The following PPP2R5E variants were observed in gnomAD, a reference collection of about 807,000 sequenced individuals.
PPP2R5E encodes protein phosphatase 2 regulatory subunit B'epsilon.
In PPP2R5E, 4 loss-of-function variants were observed where a neutral mutation model predicts 65.3. That is an observed-to-expected ratio of 0.06 (90% CI 0.03 to 0.14). PPP2R5E has a LOEUF of 0.14. PPP2R5E is among the 10% of genes least tolerant of loss of function. The probability of loss-of-function intolerance (pLI) is 1.00; values close to 1 mark genes in which losing one functional copy is unlikely to be tolerated. For synonymous variants in PPP2R5E, 183 were observed against 187.4 expected (o/e 0.98, Z 0.19); for missense variants, 274 against 556.1 (o/e 0.49, Z 5.10).
chr14:63,502,601 A>T (rs1469905950), intron 2 of PPP2R5E, among the ~76,000 whole-genome samples: 1 of 152,082 alleles, frequency 6.6e-6, no homozygotes, highest in Non-Finnish European at 1.5e-5. Context: ...TGGGAAGCAG[A>T]GGTTGCAGTG....
At position 63,390,502 on chromosome 14, in the gene PPP2R5E, T is replaced by C. The variant is rs1884958239; in HGVS notation, c.955-771A>G. On this transcript the variant is annotated intron_variant, in intron 10 of 13. Transcript: ENST00000337537. ...AAAAACCAGTTTACGTATTTAGCTA[T>C]GAAAAAATAATTACTTTGAAAAAAT... Among the ~76,000 whole-genome samples, 3 of 152,220 alleles carry C rather than the reference T, an allele frequency of 2.0e-5. No homozygotes were observed. In the South Asian group the frequency reaches 6.2e-4, roughly 32 times the overall value.
intron 2 of PPP2R5E, among the ~76,000 whole-genome samples, chr14:63,492,879 G>C (rs1207210218): frequency 1.3e-5 from 2 of 152,154 alleles, no homozygotes; most frequent in Admixed American, 6.5e-5. Flanking sequence ...ATCAGAACCA[G>C]AAATTGCGTC....
At chr14:63,509,418 T>C (rs896804291) in intron 2 of PPP2R5E, among the ~76,000 whole-genome samples, 4 of 151,614 alleles carry the variant, frequency 2.6e-5, no homozygotes, top group African/African-American at 9.7e-5. Flanking sequence ...GGATTACAGA[T>C]ACGCACCACC....
chr14:63,429,112 T>G (rs1342817809), intron 3 of PPP2R5E, among the ~76,000 whole-genome samples: 1 of 152,210 alleles, frequency 6.6e-6, no homozygotes, highest in East Asian at 1.9e-4. Flanking sequence ...TCTGGTACAC[T>G]GGGCATGTAA....
intron 2 of PPP2R5E, among the ~76,000 whole-genome samples, chr14:63,473,570 G>A (rs1012507089): frequency 1.3e-5 from 2 of 152,120 alleles, no homozygotes; most frequent in Admixed American, 6.5e-5. Context: ...AAAACCTTCC[G>A]TAATTTTAAA....
intron 2 of PPP2R5E, among the ~76,000 whole-genome samples, chr14:63,528,357 T>G (rs1165139325): frequency 1.3e-5 from 2 of 152,210 alleles, no homozygotes; most frequent in African/African-American, 4.8e-5. Context: ...GTGATCTGAT[T>G]AGGCTATAAT....
rs1042484228 is a variant in PPP2R5E at position 63,539,537 on chromosome 14, A to G, written c.149T>C (p.Leu50Pro). The G allele has an allele frequency of 1.2e-6, 2 of 1,613,506 alleles. No homozygotes were observed. The highest frequency in any genetic ancestry group is 1.3e-5 in the African/African-American group (1 of 74,922). Residue 50 changes from leucine to proline, a missense_variant, in exon 2 of 14, where the codon CTG becomes CCG. This residue lies in a region of PPP2R5E where 58 missense variants were observed against 64.8 expected (regional missense o/e 0.90). Coordinates refer to ENST00000337537, the MANE Select transcript of PPP2R5E (RefSeq NM_006246.5). The part of the protein sequence containing the change: ...GKPIELTPLP[L>P]LKDVPSSEQP... ...CTGGTCATGAGCCTTACCTTTTAGC[A>G]GCGGCAGAGGTGTTAACTCAATAGG... is the stretch of plus-strand genomic sequence containing the variant.
intron 11 of PPP2R5E, among the ~76,000 whole-genome samples, chr14:63,387,002 C>A (rs1351733740): frequency 1.3e-5 from 2 of 151,518 alleles, no homozygotes; most frequent in Non-Finnish European, 2.9e-5. Flanking sequence ...AAGGAAAGGG[C>A]ATTCCAGGTA....
chr14:63,523,353 G>A (rs1893044445), intron 2 of PPP2R5E, among the ~76,000 whole-genome samples: 1 of 152,164 alleles, frequency 6.6e-6, no homozygotes, highest in African/African-American at 2.4e-5. Flanking sequence ...TTTTCATTTT[G>A]TTCTGTACTA....
chr14:63,465,748 G>C (rs1229865743), intron 2 of PPP2R5E, among the ~76,000 whole-genome samples: 2 of 152,144 alleles, frequency 1.3e-5, no homozygotes, highest in Non-Finnish European at 2.9e-5. Context: ...CTTCTCTTCT[G>C]CACTTGTCTT....
intron 2 of PPP2R5E, among the ~76,000 whole-genome samples, chr14:63,520,408 T>C (rs113092850): frequency 6.6e-6 from 1 of 152,226 alleles, no homozygotes; most frequent in Non-Finnish European, 1.5e-5. Context: ...AAACCTTCCC[T>C]GAATGGCCAC....
intron 13 of PPP2R5E, among the ~76,000 whole-genome samples, chr14:63,378,789 T>TA (rs1303899749): frequency 6.6e-6 from 1 of 152,240 alleles, no homozygotes; most frequent in Non-Finnish European, 1.5e-5. Context: ...GTTAAGTACT[T>TA]ATTCCACCCA....
chr14:63,415,041 AT>A, intron 5 of PPP2R5E, 98 bp downstream of exon 5: 1 of 722,732 alleles, frequency 1.4e-6, no homozygotes, highest in South Asian at 1.8e-5. Context: ...TGTGGGTGAT[AT>A]AACTGTCATT....
At chr14:63,497,376 C>T (rs1246842639) in intron 2 of PPP2R5E, among the ~76,000 whole-genome samples, 4 of 152,086 alleles carry the variant, frequency 2.6e-5, no homozygotes, top group Non-Finnish European at 4.4e-5. Context: ...TTCTTGACTA[C>T]AAGCATCATC....
At chr14:63,435,373 G>GA (rs1003231420) in intron 3 of PPP2R5E, among the ~76,000 whole-genome samples, 9 of 151,350 alleles carry the variant, frequency 5.9e-5, no homozygotes, top group Middle Eastern at 3.4e-3. Flanking sequence ...TAAGGGTGGA[G>GA]AAAAAAAACG....
chr14:63,487,509 T>C (rs76873631), intron 2 of PPP2R5E, among the ~76,000 whole-genome samples: 9,399 of 152,136 alleles, frequency 0.062, 901 homozygotes, highest in African/African-American at 0.21. Context: ...TGTGGATAAA[T>C]GGATGGGGTC....
At chr14:63,403,036 C>G (rs1257856424) in intron 5 of PPP2R5E, among the ~76,000 whole-genome samples, 2 of 152,116 alleles carry the variant, frequency 1.3e-5, no homozygotes, top group Non-Finnish European at 2.9e-5. Context: ...TGGTGCAGGC[C>G]TTCTTAATAC....
At chr14:63,430,251 C>T (rs753847191) in intron 3 of PPP2R5E, among the ~76,000 whole-genome samples, 4 of 152,204 alleles carry the variant, frequency 2.6e-5, no homozygotes, top group South Asian at 2.1e-4. Flanking sequence ...CAGTGGCTCA[C>T]GCCTGTAATC....
chr14:63,428,269 T>C (rs1305070193), intron 3 of PPP2R5E, among the ~76,000 whole-genome samples: 1 of 152,188 alleles, frequency 6.6e-6, no homozygotes, highest in East Asian at 1.9e-4. Context: ...AAGGACTCTA[T>C]TCATCTCAGA....
Sources: allele counts gnomAD v4.1 joint callset (sites outside exome capture counted in the v4.1 genomes callset), GRCh38; gene constraint gnomAD v4.1.1; regional missense constraint gnomAD v4.1.1; transcripts MANE v1.5; gene names NCBI Gene and HGNC (gene_info 2026-07-23, HGNC 2026-07-21).